Variants in SMARCD2 observed in about 807,000 individuals in gnomAD.
The protein encoded by SMARCD2 is SWI/SNF related BAF chromatin remodeling complex subunit D2.
In SMARCD2, 39 loss-of-function variants were observed where a neutral mutation model predicts 70.4. The observed-to-expected ratio is 0.55, with a 90% CI of 0.43 to 0.72. The LOEUF is 0.72. SMARCD2 is among the 30% of genes least tolerant of loss of function. The pLI is 0.00. For missense variants in SMARCD2, 540 were observed against 713.4 expected (o/e 0.76, Z 2.77); for synonymous variants, 249 against 279.4 (o/e 0.89, Z 1.08).
Position 63,837,644 on chromosome 17 carries a change from C to A in SMARCD2, c.217-19G>T, listed in dbSNP as rs527711635. The A allele has an allele frequency of 6.2e-7, 1 of 1,608,136 alleles. No individual in the cohort carries two copies. The highest frequency in any genetic ancestry group is 8.5e-7 in the Non-Finnish European group (1 of 1,176,988). On this transcript the variant is annotated intron_variant, in intron 1 of 12. Coordinates refer to ENST00000448276, the MANE Select transcript of SMARCD2 (RefSeq NM_001098426.2). The surrounding 1 kb of genome is among the most constrained non-coding windows in gnomAD (Gnocchi z 6.4). ...CAGGTCGCTGGGGGAAGTGAGCCAA[C>A]GGGGGTGCATAGGTCAGGGGCAAGG...
rs116092937 is a variant in SMARCD2, at chr17:63,834,060, C to T, written c.1084-54G>A. ...GGCTTGTGGGCACAGTGGAGTGGAC[C>T]ATTCCAGGACCAGTGAGGGCAGCAG... On this transcript the variant is annotated intron_variant, in intron 8 of 12. Coordinates refer to ENST00000448276, the MANE Select transcript of SMARCD2 (RefSeq NM_001098426.2). The surrounding 1 kb of genome is among the most constrained non-coding windows in gnomAD (Gnocchi z 5.6). 781 of 1,593,004 alleles carry T rather than the reference C, an allele frequency of 4.9e-4. 5 individuals carry two copies. The African/African-American group carries it at 9.3e-3, about 19-fold the overall frequency.
chr17:63,839,998 G>T (rs1472714490), intron 1 of SMARCD2, among the ~76,000 whole-genome samples: 1 of 152,048 alleles, frequency 6.6e-6, no homozygotes, highest in Non-Finnish European at 1.5e-5. Flanking sequence ...GCGTGGTGGT[G>T]GGCGCCTGTA....
rs139719344 is a variant in SMARCD2 at position 63,840,804 on chromosome 17, C to T, written c.216+1655G>A. ...ACCTCTCCTGCCAGGAGGAGGAAAG[C>T]TAGTGGGATGGGAAACCCAGACTCA... is the stretch of plus-strand genomic sequence containing the variant. On this transcript the variant is annotated intron_variant, in intron 1 of 12. Coordinates refer to ENST00000448276, the MANE Select transcript of SMARCD2 (RefSeq NM_001098426.2). Among the ~76,000 whole-genome samples the T allele has an allele frequency of 6.9e-3, 1,051 of 152,328 alleles. 9 individuals carry two copies. Among genetic ancestry groups the T allele is most frequent in the African/African-American group, 0.024 (979 of 41,576 alleles).
In SMARCD2 at chr17:63,842,259, C is replaced by G. The variant is rs545419917; in HGVS notation, c.216+200G>C. ...CCCCAGGCCTCCCAGCTGCTTCCAG[C>G]CCTCCGCTGCAGAACCTGCTTCCCC... On this transcript the variant is annotated intron_variant, in intron 1 of 12. Transcript: ENST00000448276. 147 of 961,860 alleles carry G rather than the reference C, an allele frequency of 1.5e-4. 1 individual carries two copies. Among genetic ancestry groups the G allele is most frequent in the South Asian group, 7.9e-4 (19 of 23,936 alleles). 59.6% of individuals were successfully genotyped at this position (961,860 alleles called of 1,614,324 possible).
Position 63,834,363 on chromosome 17 carries a change from TTA to T in SMARCD2, c.922-37_922-36del, listed in dbSNP as rs771507052. 5.6e-6 allele frequency: 9 copies of T among 1,600,570 alleles called. No individual in the cohort carries two copies. The East Asian group carries it at 1.6e-4, about 28-fold the overall frequency. ...GATGGAGGGGAGTCAGAACGGGTTCTTATAGTAGAACAGTGGGAAAATAGGGC... is the reference window on the plus strand; with the variant it reads ...GATGGAGGGGAGTCAGAACGGGTTCTTAGTAGAACAGTGGGAAAATAGGGC... On this transcript the variant is annotated intron_variant, in intron 7 of 12. Transcript: ENST00000448276. The surrounding 1 kb of genome is among the most constrained non-coding windows in gnomAD (Gnocchi z 5.6).
rs186734365 is a variant in SMARCD2, at chr17:63,834,929, G to A, written c.724-129C>T. 4.1e-5 allele frequency: 28 copies of A among 688,200 alleles called. No homozygotes were observed. In the Admixed American group the frequency reaches 5.5e-4, roughly 14 times the overall value. 42.6% of individuals were successfully genotyped at this position (688,200 alleles called of 1,614,324 possible). Reference sequence around the variant, plus strand: ...ATACTGAAGATTCCTGGGCCCTGAAGGATGGAAGCAGGACTCTGGGCAGAC... The same window carrying A: ...ATACTGAAGATTCCTGGGCCCTGAAAGATGGAAGCAGGACTCTGGGCAGAC... On this transcript the variant is annotated intron_variant, in intron 5 of 12. Coordinates refer to ENST00000448276, the MANE Select transcript of SMARCD2 (RefSeq NM_001098426.2). The surrounding 1 kb of genome is among the most constrained non-coding windows in gnomAD (Gnocchi z 5.6).
At position 63,833,146 on chromosome 17, in the gene SMARCD2, G is replaced by A. The variant is rs1260530840; in HGVS notation, c.1465C>T (p.Pro489Ser). ...LKIITDVIGN[P>S]EEERRAAFYH... ...AAAGCAGCTCGTCTCTCCTCCTCAG[G>A]ATTTCCAATCACATCAGTGATGATC... Residue 489 changes from proline (P) to serine (S), a missense_variant, in exon 12 of 13, where the codon CCT becomes TCT. Transcript: ENST00000448276. This position sits in a 1 kb window ranked among gnomAD's most constrained non-coding sequence, Gnocchi z 4.3. 1 of 1,608,406 alleles carries A rather than the reference G, an allele frequency of 6.2e-7. No homozygotes were observed. Among genetic ancestry groups the A allele is most frequent in the South Asian group, 1.1e-5 (1 of 90,062 alleles).
At position 63,832,970 on chromosome 17, in the gene SMARCD2, G is replaced by C; in HGVS notation, c.1564C>G (p.Leu522Val). The change falls in exon 13 of 13, where the codon CTG becomes GTG. Residue 522 changes from leucine (L) to valine (V), a missense_variant. Coordinates refer to ENST00000448276, the MANE Select transcript of SMARCD2 (RefSeq NM_001098426.2). ...FAKVQQRRQE[L>V]EQVLGIRLT ...AGGCGAATTCCCAGCACCTGTTCCA[G>C]TTCCTGCCTTCGCTGCTGCACCTGG... The C allele has an allele frequency of 6.3e-7, 1 of 1,581,462 alleles. No individual in the cohort carries two copies.
intron 4 of SMARCD2, chr17:63,836,622 A>T: frequency 3.9e-6 from 1 of 255,516 alleles, no homozygotes; most frequent in Non-Finnish European, 7.5e-6. Flanking sequence ...CATAAGATTT[A>T]CATTTTCAAT....
In SMARCD2 at chr17:63,832,803, A is replaced by G. The variant is rs1264115048; in HGVS notation, c.*135T>C. On this transcript the variant is annotated 3_prime_UTR_variant, in exon 13 of 13. Transcript: ENST00000448276. ...AACAAGGAATCCTATCACTACATTT[A>G]TAAGACTAAAGCTGGAGAGTAGAGG... 5.3e-6 allele frequency: 4 copies of G among 755,114 alleles called. No individual in the cohort carries two copies. Among genetic ancestry groups the G allele is most frequent in the South Asian group, 3.2e-5 (2 of 63,290 alleles). 46.8% of individuals were successfully genotyped at this position (755,114 alleles called of 1,614,324 possible). A position where few individuals can be genotyped will look rare whatever the true frequency, so the allele number is the denominator to read the frequency against.
chr17:63,834,422 C>T lies in SMARCD2; in HGVS notation c.921+52G>A. 2 of 1,558,866 alleles carry T rather than the reference C, an allele frequency of 1.3e-6. No homozygotes were observed. The highest frequency in any genetic ancestry group is 1.8e-6 in the Non-Finnish European group (2 of 1,141,876). On this transcript the variant is annotated intron_variant, in intron 7 of 12. Coordinates refer to ENST00000448276, the MANE Select transcript of SMARCD2 (RefSeq NM_001098426.2). The surrounding 1 kb of genome is among the most constrained non-coding windows in gnomAD (Gnocchi z 5.6). ...AGGAAGGGTTTCTAGGAACCAGCTC[C>T]CCTCCTGAGGGGTCCCTGTGGGCCC...
chr17:63,838,284 T>C (rs2144635853), intron 1 of SMARCD2, among the ~76,000 whole-genome samples: 1 of 152,084 alleles, frequency 6.6e-6, no homozygotes, highest in East Asian at 1.9e-4. Context: ...TGGTATCACA[T>C]AGCCCCCACC....
chr17:63,835,072 C>T, intron 5 of SMARCD2: 1 of 544,448 alleles, frequency 1.8e-6, no homozygotes, highest in Non-Finnish European at 3.3e-6. Context: ...GGGCTTGGAG[C>T]AGCGCCCCCC....
At chr17:63,838,639 G>A in intron 1 of SMARCD2, 5 of 1,495,612 alleles carry the variant, frequency 3.3e-6, no homozygotes, top group African/African-American at 1.4e-5. Context: ...CATTTCTGTG[G>A]AGCCCATCTG....
Position 63,832,185 on chromosome 17 carries a change from T to C in SMARCD2, c.*753A>G. ...ACCAAGCTCCAAAGGGCAACACCAGTCCTCCCAGCCTCCCCATTCACCTTA... is the reference window on the plus strand; with the variant it reads ...ACCAAGCTCCAAAGGGCAACACCAGCCCTCCCAGCCTCCCCATTCACCTTA... On this transcript the variant is annotated 3_prime_UTR_variant, in exon 13 of 13. Coordinates refer to ENST00000448276, the MANE Select transcript of SMARCD2 (RefSeq NM_001098426.2). 1 of 594,102 alleles carries C rather than the reference T, an allele frequency of 1.7e-6. No individual in the cohort carries two copies. The allele number at this position is 594,102 out of a possible 1,614,324, so 36.8% of individuals were successfully genotyped here.
chr17:63,835,283 C>T, intron 5 of SMARCD2, 129 bp downstream of exon 5: 1 of 908,116 alleles, frequency 1.1e-6, no homozygotes, highest in Non-Finnish European at 1.6e-6. Flanking sequence ...CCACCGCACC[C>T]AGCTAATTTT....
intron 4 of SMARCD2, among the ~76,000 whole-genome samples, chr17:63,835,929 A>T (rs1598358615): frequency 6.6e-6 from 1 of 152,038 alleles, no homozygotes; most frequent in Non-Finnish European, 1.5e-5. Flanking sequence ...GTATTTCAAC[A>T]TGTTGGCCAT....
intron 4 of SMARCD2, among the ~76,000 whole-genome samples, chr17:63,836,298 C>T (rs1334097723): frequency 6.6e-6 from 1 of 151,862 alleles, no homozygotes. Flanking sequence ...CCGAGGCAGT[C>T]AGGAGTTCGA....
In SMARCD2 at chr17:63,839,585, CA is replaced by C. The variant is rs997841716; in HGVS notation, c.217-1961del. Among the ~76,000 whole-genome samples, 7 of 65,554 alleles carry C rather than the reference CA, an allele frequency of 1.1e-4. No individual in the cohort carries two copies. The African/African-American group carries it at 1.1e-3, about 11-fold the overall frequency. 43.0% of individuals were successfully genotyped at this position (65,554 alleles called of 152,430 possible). A position where few individuals can be genotyped will look rare whatever the true frequency, so the allele number is the denominator to read the frequency against. On this transcript the variant is annotated intron_variant, in intron 1 of 12. Transcript: ENST00000448276. ...TCCCACTTCAAAAAACAAAACAAAA[CA>C]AAACAAACAAAAAAAAACAACTCAG...
Sources: allele counts gnomAD v4.1 joint callset (sites outside exome capture counted in the v4.1 genomes callset), GRCh38; gene constraint gnomAD v4.1.1; non-coding constraint Gnocchi (gnomAD v3.1); transcripts MANE v1.5; gene names NCBI Gene and HGNC (gene_info 2026-07-23, HGNC 2026-07-21).